Variants in ADK observed in about 807,000 individuals in gnomAD.
ADK encodes the protein adenosine kinase, also known as N6,N6-dimethyladenosine kinase.
Under a neutral mutation model 44.7 loss-of-function variants are expected in ADK, and 24 were observed. The ratio of observed to expected loss-of-function variants is 0.54; its 90% CI spans 0.39 to 0.76. ADK has a LOEUF of 0.76. ADK is among the 30% of genes least tolerant of loss of function. ADK has a pLI of 0.00. For synonymous variants in ADK, 128 were observed against 142.6 expected (o/e 0.90, Z 0.73); for missense variants, 321 against 425.1 (o/e 0.76, Z 2.15).
At chr10:74,236,608 A>G (rs994513498) in intron 3 of ADK, among the ~76,000 whole-genome samples, 1 of 152,172 alleles carries the variant, frequency 6.6e-6, no homozygotes. Context: ...TAACAAATCT[A>G]CCCTTCATTA....
At chr10:74,255,669 A>G (rs1309595797) in intron 3 of ADK, among the ~76,000 whole-genome samples, 2 of 152,212 alleles carry the variant, frequency 1.3e-5, no homozygotes, top group African/African-American at 2.4e-5. Context: ...AATTAGTTCA[A>G]TGTCCTATAA....
chr10:74,510,189 ATGTATTAAGAGT>A (rs986589467), intron 6 of ADK, among the ~76,000 whole-genome samples: 3 of 152,144 alleles, frequency 2.0e-5, no homozygotes, highest in Non-Finnish European at 2.9e-5. Context: ...CCCACCAACA[ATGTATTAAGAGT>A]TCCCTTTTCT....
intron 3 of ADK, among the ~76,000 whole-genome samples, chr10:74,300,125 C>T (rs1035191610): frequency 1.5e-4 from 22 of 151,368 alleles, no homozygotes; most frequent in Non-Finnish European, 2.9e-4. Flanking sequence ...CTCATGTGAT[C>T]CTCCTGCCTC....
intron 1 of ADK, among the ~76,000 whole-genome samples, chr10:74,180,171 C>G (rs1345709214): frequency 6.6e-6 from 1 of 150,938 alleles, no homozygotes; most frequent in African/African-American, 2.4e-5. Flanking sequence ...CACTGAGGGC[C>G]TTTTCTGAGT....
chr10:74,431,896 T>A (rs2133087333), intron 6 of ADK, among the ~76,000 whole-genome samples: 1 of 152,298 alleles, frequency 6.6e-6, no homozygotes, highest in African/African-American at 2.4e-5. Context: ...TGAGCTCTTC[T>A]TTAATAAGTA....
At position 74,576,268 on chromosome 10, in the gene ADK, G is replaced by T. The variant is rs572193562; in HGVS notation, c.727-13014G>T. Among the ~76,000 whole-genome samples the T allele has an allele frequency of 3.3e-5, 5 of 152,150 alleles. No individual in the cohort carries two copies. In the East Asian group the frequency reaches 7.7e-4, roughly 23 times the overall value. ...GGGGAAATTCAAATTCTAAAATATC[G>T]ATGAAGTCTCATTTTTCATGTATTA... On this transcript the variant is annotated intron_variant, in intron 7 of 10. Transcript: ENST00000539909.
intron 3 of ADK, among the ~76,000 whole-genome samples, chr10:74,261,542 A>G (rs1297879188): frequency 6.6e-6 from 1 of 152,174 alleles, no homozygotes; most frequent in African/African-American, 2.4e-5. Context: ...GAGCTTCCTG[A>G]GAAAAGAATA....
intron 6 of ADK, among the ~76,000 whole-genome samples, chr10:74,487,703 A>G (rs1234333270): frequency 1.3e-5 from 2 of 152,028 alleles, no homozygotes; most frequent in African/African-American, 2.4e-5. Flanking sequence ...AGAATATTGT[A>G]TTCAGCTTTC....
intron 6 of ADK, among the ~76,000 whole-genome samples, chr10:74,524,042 C>T (rs991619631): frequency 6.6e-6 from 1 of 152,168 alleles, no homozygotes; most frequent in African/African-American, 2.4e-5. Flanking sequence ...TTCTTAACTT[C>T]GCCGACCTTT....
intron 6 of ADK, among the ~76,000 whole-genome samples, chr10:74,500,566 C>T (rs1847854536): frequency 6.6e-6 from 1 of 152,226 alleles, no homozygotes; most frequent in Non-Finnish European, 1.5e-5. Context: ...TTGAGAACTA[C>T]TATCCTATGT....
chr10:74,324,492 A>T (rs568923956), intron 4 of ADK, among the ~76,000 whole-genome samples: 1 of 152,278 alleles, frequency 6.6e-6, no homozygotes, highest in Non-Finnish European at 1.5e-5. Flanking sequence ...ATGAGTTGAG[A>T]TTATGTAGCA....
At chr10:74,423,838 A>G (rs1844672288) in intron 6 of ADK, 2 of 289,664 alleles carry the variant, frequency 6.9e-6, no homozygotes, top group Non-Finnish European at 1.4e-5. Flanking sequence ...AAACTTGACT[A>G]TTGTGTCGTC....
chr10:74,174,628 T>A (rs993005096), intron 1 of ADK: 6 of 152,256 alleles, frequency 3.9e-5, no homozygotes, highest in African/African-American at 1.4e-4. Context: ...GGTGGGTAAC[T>A]CTAGCCAGTG....
At chr10:74,531,565 ACTCT>A (rs903660759) in intron 7 of ADK, among the ~76,000 whole-genome samples, 1 of 151,990 alleles carries the variant, frequency 6.6e-6, no homozygotes, top group Non-Finnish European at 1.5e-5. Context: ...ACAAGGTCTC[ACTCT>A]CTCACCCAGG....
chr10:74,198,832 C>T (rs541675542), intron 1 of ADK, among the ~76,000 whole-genome samples: 35 of 152,040 alleles, frequency 2.3e-4, no homozygotes, highest in Admixed American at 1.8e-3. Context: ...AAAATTATAT[C>T]GTTTCTTGTT....
chr10:74,378,681 T>C (rs1329169998), intron 4 of ADK, among the ~76,000 whole-genome samples: 6 of 152,186 alleles, frequency 3.9e-5, no homozygotes, highest in African/African-American at 1.4e-4. Flanking sequence ...AATAGTTTTA[T>C]TGAGAAGGTG....
intron 3 of ADK, among the ~76,000 whole-genome samples, chr10:74,236,787 A>G (rs1249767611): frequency 3.3e-5 from 5 of 152,232 alleles, no homozygotes; most frequent in African/African-American, 1.2e-4. Flanking sequence ...TCACACTGTA[A>G]TCTATTGTAT....
chr10:74,432,703 T>A (rs1455877312), intron 6 of ADK, among the ~76,000 whole-genome samples: 1 of 152,190 alleles, frequency 6.6e-6, no homozygotes, highest in Non-Finnish European at 1.5e-5. Context: ...ATACATGTAT[T>A]TGCTTTTATT....
chr10:74,508,797 G>T (rs1848183149), intron 6 of ADK, among the ~76,000 whole-genome samples: 1 of 151,936 alleles, frequency 6.6e-6, no homozygotes, highest in Admixed American at 6.6e-5. Flanking sequence ...CTTACATTTG[G>T]ATGTGTCCTT....
Sources: gnomAD v4.1 joint callset for allele counts (sites outside exome capture counted in the v4.1 genomes callset) on GRCh38, gnomAD v4.1.1 for gene constraint, MANE v1.5 for transcripts, NCBI Gene and HGNC (gene_info 2026-07-23, HGNC 2026-07-21) for gene names.